Variants in ASIC2 observed in about 807,000 individuals in gnomAD.
The protein encoded by ASIC2 is acid-sensing ion channel 2.
A neutral mutation model predicts 57.3 loss-of-function variants in ASIC2; 25 were observed. That is an observed-to-expected ratio of 0.44 (90% CI 0.32 to 0.61). The LOEUF is 0.61. ASIC2 is among the 20% of genes least tolerant of loss of function. ASIC2 has a pLI of 0.06. For missense variants in ASIC2, 641 were observed against 738.1 expected (o/e 0.87, Z 1.52); for synonymous variants, 319 against 307.5 (o/e 1.04, Z -0.39).
intron 1 of ASIC2, among the ~76,000 whole-genome samples, chr17:33,510,718 C>G (rs1417706388): frequency 6.6e-6 from 1 of 152,218 alleles, no homozygotes; most frequent in South Asian, 2.1e-4. Context: ...GGAGCACACA[C>G]TGGCATTGTT....
chr17:33,048,543 C>A (rs1428325253), intron 3 of ASIC2, among the ~76,000 whole-genome samples: 1 of 152,158 alleles, frequency 6.6e-6, no homozygotes, highest in Non-Finnish European at 1.5e-5. Flanking sequence ...CTTGTATGTC[C>A]TAATGCATGT....
intron 3 of ASIC2, among the ~76,000 whole-genome samples, chr17:33,029,535 T>G (rs539384194): frequency 6.6e-6 from 1 of 152,276 alleles, no homozygotes; most frequent in Non-Finnish European, 1.5e-5. Context: ...ACTCACTTGA[T>G]GATGGGCATT....
At chr17:33,344,225 A>G (rs1907853107) in intron 1 of ASIC2, among the ~76,000 whole-genome samples, 1 of 152,186 alleles carries the variant, frequency 6.6e-6, no homozygotes, top group South Asian at 2.1e-4. Context: ...AATATTTTGA[A>G]TGACCCCCAG....
intron 1 of ASIC2, among the ~76,000 whole-genome samples, chr17:33,819,566 C>A (rs528302829): frequency 6.6e-6 from 1 of 152,318 alleles, no homozygotes; most frequent in Non-Finnish European, 1.5e-5. Flanking sequence ...CTTCTTTTAA[C>A]GTGGCCATAA....
intron 1 of ASIC2, among the ~76,000 whole-genome samples, chr17:33,956,989 C>T (rs1285836706): frequency 1.3e-5 from 2 of 152,220 alleles, no homozygotes; most frequent in South Asian, 2.1e-4. Flanking sequence ...GCAGCTGCTG[C>T]CCTGACTGCT....
At chr17:33,881,468 C>T (rs187390975) in intron 1 of ASIC2, among the ~76,000 whole-genome samples, 163 of 152,244 alleles carry the variant, frequency 1.1e-3, no homozygotes, top group African/African-American at 3.7e-3. Context: ...ACACCAATAA[C>T]AGACAAACAG....
At chr17:33,424,636 G>A (rs538993319) in intron 1 of ASIC2, among the ~76,000 whole-genome samples, 2 of 152,336 alleles carry the variant, frequency 1.3e-5, no homozygotes, top group South Asian at 4.1e-4. Flanking sequence ...GGCACAATGA[G>A]TGCTGGCAAT....
chr17:33,277,353 G>C (rs193233983), intron 1 of ASIC2, among the ~76,000 whole-genome samples: 1 of 152,160 alleles, frequency 6.6e-6, no homozygotes, highest in Non-Finnish European at 1.5e-5. Context: ...AGTCAGAACC[G>C]ACCTGGCTTT....
At chr17:33,539,454 C>G (rs1915337890) in intron 1 of ASIC2, among the ~76,000 whole-genome samples, 2 of 152,228 alleles carry the variant, frequency 1.3e-5, no homozygotes, top group Non-Finnish European at 2.9e-5. Flanking sequence ...GGCAGGAAAG[C>G]TGGAAGCATA....
At position 33,654,275 on chromosome 17, in the gene ASIC2, G is replaced by A. The variant is rs187783432; in HGVS notation, c.555+501703C>T. Reference sequence around the variant, plus strand: ...AGAGCTTTTAGTTGAGAGCACAGAGGTCAAGAGGAGACCAATAATTTGCAG... The same window carrying A: ...AGAGCTTTTAGTTGAGAGCACAGAGATCAAGAGGAGACCAATAATTTGCAG... On this transcript the variant is annotated intron_variant, in intron 1 of 9. Transcript: ENST00000359872. Among the ~76,000 whole-genome samples, 3 of 152,342 alleles carry A rather than the reference G, an allele frequency of 2.0e-5. No homozygotes were observed. In the East Asian group the frequency reaches 5.8e-4, roughly 29 times the overall value.
chr17:33,221,355 A>G (rs1316828361), intron 1 of ASIC2, among the ~76,000 whole-genome samples: 1 of 152,252 alleles, frequency 6.6e-6, no homozygotes, highest in Non-Finnish European at 1.5e-5. Flanking sequence ...TTCAGAAACA[A>G]TGGTATAAAA....
intron 3 of ASIC2, among the ~76,000 whole-genome samples, chr17:33,055,260 T>C (rs749235434): frequency 5.3e-5 from 8 of 152,362 alleles, no homozygotes; most frequent in Non-Finnish European, 1.2e-4. Flanking sequence ...CAGGAATTCC[T>C]TGGGTGTCCC....
rs1266974849 is a variant in ASIC2 at position 34,156,629 on chromosome 17, G to A, written c.-97C>T. The A allele has an allele frequency of 1.5e-6, 2 of 1,310,844 alleles. No homozygotes were observed. Among genetic ancestry groups the A allele is most frequent in the Non-Finnish European group, 2.1e-6 (2 of 969,316 alleles). 81.2% of individuals were successfully genotyped at this position (1,310,844 alleles called of 1,614,324 possible). On this transcript the variant is annotated 5_prime_UTR_variant, in exon 1 of 10. Transcript: ENST00000359872. This position sits in a 1 kb window ranked among gnomAD's most constrained non-coding sequence, Gnocchi z 4.4. Reference sequence around the variant, plus strand: ...CTCTGCTTAAACCTTGACGTTCAGGGGAGAGAACGCAAGGCAAGCATCGCG... The same window carrying A: ...CTCTGCTTAAACCTTGACGTTCAGGAGAGAGAACGCAAGGCAAGCATCGCG...
chr17:33,022,736 GA>G (rs1301895911), intron 6 of ASIC2, among the ~76,000 whole-genome samples: 3 of 152,106 alleles, frequency 2.0e-5, no homozygotes, highest in African/African-American at 7.2e-5. Flanking sequence ...AGACAACAGA[GA>G]ACAAAAAAGA....
At chr17:33,087,081 G>A (rs1386596597) in intron 3 of ASIC2, among the ~76,000 whole-genome samples, 2 of 152,122 alleles carry the variant, frequency 1.3e-5, no homozygotes, top group African/African-American at 4.8e-5. Context: ...GTCAACCCAT[G>A]TCCAGCTTTG....
rs28931 is a variant in ASIC2 at position 33,014,360 on chromosome 17, T to A, written c.1591-294A>T. Among the ~76,000 whole-genome samples the A allele has an allele frequency of 4.9e-3, 741 of 152,148 alleles. 8 individuals are homozygous for A. The highest frequency in any genetic ancestry group is 0.017 in the African/African-American group (715 of 41,488). ...TGTAACTGGACCTATATCTGAGTGG[T>A]CTGTAGCTTTGGGGCTGGATGGTCT... On this transcript the variant is annotated intron_variant, in intron 9 of 9. Transcript: ENST00000225823.
intron 1 of ASIC2, among the ~76,000 whole-genome samples, chr17:33,819,298 C>T (rs1483774462): frequency 6.6e-6 from 1 of 152,186 alleles, no homozygotes; most frequent in Non-Finnish European, 1.5e-5. Flanking sequence ...GTTTCTGTCA[C>T]CCTCCGCTCC....
At chr17:33,080,712 C>T (rs554545858) in intron 3 of ASIC2, among the ~76,000 whole-genome samples, 1 of 152,258 alleles carries the variant, frequency 6.6e-6, no homozygotes, top group East Asian at 1.9e-4. Context: ...ATAAGGGTGA[C>T]TTGAACACAA....
At chr17:34,086,334 T>C (rs1171485244) in intron 1 of ASIC2, among the ~76,000 whole-genome samples, 1 of 152,224 alleles carries the variant, frequency 6.6e-6, no homozygotes, top group Non-Finnish European at 1.5e-5. Context: ...TCAGTTTCCA[T>C]GTAGTTGAGC....
Sources: gnomAD v4.1 joint callset for allele counts (sites outside exome capture counted in the v4.1 genomes callset) on GRCh38, gnomAD v4.1.1 for gene constraint, Gnocchi (gnomAD v3.1) non-coding constraint, MANE v1.5 for transcripts, NCBI Gene and HGNC (gene_info 2026-07-23, HGNC 2026-07-21) for gene names.